Variants in DST observed in about 807,000 individuals in gnomAD.
DST encodes dystonin.
In DST, 253 loss-of-function variants were observed where a neutral mutation model predicts 875.2. The ratio of observed to expected loss-of-function variants is 0.29; its 90% confidence interval spans 0.26 to 0.32. The LOEUF is 0.32. DST is among the 10% of genes least tolerant of loss of function. DST has a pLI of 1.00. For synonymous variants in DST, 3,124 were observed against 3,197.1 expected (o/e 0.98, Z 0.77); for missense variants, 8,287 against 9,111.6 (o/e 0.91, Z 3.68).
At chr6:56,853,220 A>G (rs966970389) in intron 3 of DST, among the ~76,000 whole-genome samples, 4 of 152,088 alleles carry the variant, frequency 2.6e-5, no homozygotes, top group Non-Finnish European at 5.9e-5. Context: ...CAGTCTGTAT[A>G]TTTTTCTAAT....
chr6:56,730,630 A>G lies in DST; in HGVS notation c.687+4598T>C, dbSNP rs572178562. ...TCTCCAGGTAAAATTTAGCTAACTG[A>G]AGACACAGGTATTTCCAATAACAAC... On this transcript the variant is annotated intron_variant, in intron 5 of 103. Transcript: ENST00000680361. Among the ~76,000 whole-genome samples the G allele has an allele frequency of 2.0e-5, 3 of 152,334 alleles. No individual in the cohort carries two copies. The South Asian group carries it at 6.2e-4, about 32-fold the overall frequency.
chr6:56,603,213 A>G lies in DST; in HGVS notation c.11149T>C (p.Ser3717Pro). ...RTKQIMLAID[S>P]EMSKLAVSHE... is the part of the protein sequence containing the mutation. ...TGACATTTTATGCCTACCATTTCAGAGTCGATCGCAAGCATGATCTGTTTC... is the reference window on the plus strand; with the variant it reads ...TGACATTTTATGCCTACCATTTCAGGGTCGATCGCAAGCATGATCTGTTTC... The change falls in exon 42 of 104, where the codon TCT (serine) becomes CCT (proline). Residue 3717 changes from serine to proline, a missense_variant. By Grantham distance (74) the Ser-to-Pro change is moderately conservative. Coordinates refer to ENST00000680361, the MANE Select transcript of DST (RefSeq NM_001374736.1). The G allele has an allele frequency of 6.3e-7, 1 of 1,599,134 alleles. No homozygotes were observed. The highest frequency in any genetic ancestry group is 8.5e-7 in the Non-Finnish European group (1 of 1,172,586).
chr6:56,623,769 C>T (rs552851822), intron 36 of DST, among the ~76,000 whole-genome samples: 1 of 152,198 alleles, frequency 6.6e-6, no homozygotes, highest in East Asian at 1.9e-4. Context: ...ATCAAGATAA[C>T]AAAGCATAGC....
At chr6:56,645,227 T>C (rs2098935472) in intron 15 of DST, among the ~76,000 whole-genome samples, 2 of 152,178 alleles carry the variant, frequency 1.3e-5, no homozygotes, top group Non-Finnish European at 2.9e-5. Context: ...CAGATCACAA[T>C]TCCCAGGTAC....
chr6:56,821,486 T>C (rs990609569), intron 4 of DST, among the ~76,000 whole-genome samples: 2 of 152,152 alleles, frequency 1.3e-5, no homozygotes, highest in African/African-American at 4.8e-5. Flanking sequence ...CATGATTAAG[T>C]GGAAAAAGCA....
At position 56,688,441 on chromosome 6, in the gene DST, A is replaced by AT. The variant is rs1412400513; in HGVS notation, c.1047+11211dup. Reference sequence around the variant, plus strand: ...CTCTCACATTCTGAGATAGCTCTTAATTTTTTTTCAAAGTTTTTTAAATAC... The same window carrying AT: ...CTCTCACATTCTGAGATAGCTCTTAATTTTTTTTTCAAAGTTTTTTAAATAC... On this transcript the variant is annotated intron_variant, in intron 9 of 103. Coordinates refer to ENST00000680361, the MANE Select transcript of DST (RefSeq NM_001374736.1). Among the ~76,000 whole-genome samples, 5 of 152,184 alleles carry AT rather than the reference A, an allele frequency of 3.3e-5. No individual in the cohort carries two copies. In the East Asian group the frequency reaches 7.7e-4, roughly 23 times the overall value.
chr6:56,686,156 G>T (rs749219133), intron 9 of DST, among the ~76,000 whole-genome samples: 2 of 152,126 alleles, frequency 1.3e-5, no homozygotes, highest in Non-Finnish European at 2.9e-5. Context: ...GCAAAAACAC[G>T]GATGCAGCTG....
chr6:56,529,363 A>C (rs1490083657), intron 66 of DST, 85 bp downstream of exon 66: 4 of 1,128,264 alleles, frequency 3.5e-6, no homozygotes, highest in Non-Finnish European at 4.7e-6. Flanking sequence ...AATCATCATA[A>C]ACATAAAATT....
intron 94 of DST, chr6:56,471,835 T>C (rs1278077829): frequency 1.7e-6 from 1 of 571,772 alleles, no homozygotes; most frequent in African/African-American, 1.9e-5. Context: ...CATAATCATT[T>C]TTTTTACTTC....
intron 49 of DST, among the ~76,000 whole-genome samples, chr6:56,582,157 A>T (rs2098015827): frequency 6.6e-6 from 1 of 152,084 alleles, no homozygotes; most frequent in Non-Finnish European, 1.5e-5. Flanking sequence ...TATAGCTCCT[A>T]ATGTGTTCTA....
At chr6:56,742,422 T>C (rs769549901) in intron 4 of DST, 1 of 1,200,948 alleles carries the variant, frequency 8.3e-7, no homozygotes. Flanking sequence ...ACTTTCTATG[T>C]AGAAAAGAAA....
intron 5 of DST, 96 bp from the exon 6 acceptor site, chr6:56,704,465 C>T (rs1351176731): frequency 1.6e-6 from 1 of 612,546 alleles, no homozygotes; most frequent in Non-Finnish European, 2.9e-6. Flanking sequence ...ACATTCCTCA[C>T]ATGGTATTCA....
intron 4 of DST, among the ~76,000 whole-genome samples, chr6:56,824,448 C>T (rs2099777028): frequency 6.6e-6 from 1 of 152,072 alleles, no homozygotes; most frequent in Admixed American, 6.5e-5. Flanking sequence ...AAGTGAGGAG[C>T]GTCTCTGCCT....
chr6:56,668,560 G>A (rs1278216968), intron 10 of DST, among the ~76,000 whole-genome samples: 2 of 151,720 alleles, frequency 1.3e-5, no homozygotes, highest in Admixed American at 1.3e-4. Context: ...TGGCTGACAT[G>A]GTGAAATCCT....
At chr6:56,679,210 C>T (rs910322252) in intron 9 of DST, among the ~76,000 whole-genome samples, 17 of 152,096 alleles carry the variant, frequency 1.1e-4, no homozygotes, top group African/African-American at 3.9e-4. Context: ...TGCTAATATC[C>T]GTAAGTCCTT....
At chr6:56,473,329 C>T (rs995681306) in intron 93 of DST, among the ~76,000 whole-genome samples, 10 of 152,138 alleles carry the variant, frequency 6.6e-5, no homozygotes, top group Non-Finnish European at 1.3e-4. Context: ...ACGCATAAAA[C>T]ATATAACACA....
intron 10 of DST, among the ~76,000 whole-genome samples, chr6:56,667,000 A>T (rs1318840905): frequency 6.9e-6 from 1 of 145,772 alleles, no homozygotes; most frequent in East Asian, 2.0e-4. Flanking sequence ...GTAGAGAATT[A>T]AAAAAAAAAA....
At chr6:56,787,463 C>T (rs1231008091) in intron 4 of DST, among the ~76,000 whole-genome samples, 2 of 152,134 alleles carry the variant, frequency 1.3e-5, no homozygotes, top group Non-Finnish European at 2.9e-5. Context: ...AGACACTATA[C>T]AAAATGATAC....
At chr6:56,715,076 A>C (rs968706419) in intron 5 of DST, among the ~76,000 whole-genome samples, 1 of 152,222 alleles carries the variant, frequency 6.6e-6, no homozygotes. Flanking sequence ...ACTTTTGTTG[A>C]ATAAACAAAA....
Sources: allele counts gnomAD v4.1 joint callset (sites outside exome capture counted in the v4.1 genomes callset), GRCh38; gene constraint gnomAD v4.1.1; transcripts MANE v1.5; gene names NCBI Gene and HGNC (gene_info 2026-07-23, HGNC 2026-07-21).